The following ARL15 variants were observed in gnomAD, a reference collection of about 807,000 sequenced individuals.
The protein encoded by ARL15 is ARF like GTPase 15, also known as ADP-ribosylation factor-like protein 15.
In ARL15, 19 loss-of-function variants were observed where a neutral mutation model predicts 25.2. That is an observed-to-expected ratio of 0.75 (90% CI 0.53 to 1.10). The LOEUF (loss-of-function observed/expected upper bound fraction) is 1.10. Ranked by LOEUF, ARL15 falls within the 50% of genes least tolerant of loss-of-function variation. The pLI, the probability that ARL15 is intolerant of heterozygous loss-of-function variation, is 0.00. For missense variants in ARL15, 220 were observed against 246.0 expected (o/e 0.89, Z 0.71); for synonymous variants, 94 against 86.8 (o/e 1.08, Z -0.46).
At chr5:53,978,651 G>C (rs376395403) in intron 4 of ARL15, among the ~76,000 whole-genome samples, 1 of 126,494 alleles carries the variant, frequency 7.9e-6, no homozygotes, top group Non-Finnish European at 1.8e-5. Flanking sequence ...AGAAAAGAAA[G>C]AAATAAAAGA....
At chr5:54,054,395 A>C (rs1225134988) in intron 4 of ARL15, among the ~76,000 whole-genome samples, 1 of 151,998 alleles carries the variant, frequency 6.6e-6, no homozygotes, top group African/African-American at 2.4e-5. Flanking sequence ...GAAACAAAGC[A>C]AATGTCCCAA....
chr5:54,246,371 C>T (rs1484766692), intron 1 of ARL15, among the ~76,000 whole-genome samples: 1 of 152,158 alleles, frequency 6.6e-6, no homozygotes, highest in Non-Finnish European at 1.5e-5. Context: ...AGCTCTTGCT[C>T]TGTAGCCCCG....
intron 3 of ARL15, among the ~76,000 whole-genome samples, chr5:54,149,687 A>C (rs138642059): frequency 6.6e-6 from 1 of 152,226 alleles, no homozygotes; most frequent in South Asian, 2.1e-4. Context: ...AGAATCATAC[A>C]GAATTTCTGA....
At chr5:54,164,419 C>A (rs1449866902) in intron 2 of ARL15, among the ~76,000 whole-genome samples, 1 of 152,020 alleles carries the variant, frequency 6.6e-6, no homozygotes, top group Non-Finnish European at 1.5e-5. Flanking sequence ...TACGTACTGG[C>A]TGATTTTCTT....
At chr5:54,138,551 A>G (rs1335449704) in intron 3 of ARL15, among the ~76,000 whole-genome samples, 1 of 152,168 alleles carries the variant, frequency 6.6e-6, no homozygotes, top group Non-Finnish European at 1.5e-5. Flanking sequence ...ATCTAAGACC[A>G]GAATCTGTAA....
At chr5:54,169,938 C>A (rs1263761780) in intron 2 of ARL15, among the ~76,000 whole-genome samples, 4 of 152,156 alleles carry the variant, frequency 2.6e-5, no homozygotes, top group Admixed American at 2.6e-4. Flanking sequence ...CAAGCAATGT[C>A]TCTAACCCTT....
intron 4 of ARL15, among the ~76,000 whole-genome samples, chr5:53,932,540 G>T (rs1277061866): frequency 6.6e-6 from 1 of 152,192 alleles, no homozygotes; most frequent in Non-Finnish European, 1.5e-5. Context: ...CACCATCTGG[G>T]TTGAGGAATG....
intron 1 of ARL15, among the ~76,000 whole-genome samples, chr5:54,216,973 T>C (rs1199879937): frequency 1.3e-5 from 2 of 152,246 alleles, no homozygotes; most frequent in Middle Eastern, 3.4e-3. Flanking sequence ...ATTTTAGTTT[T>C]TTAAATAGTT....
chr5:54,126,896 A>T (rs1396466655), intron 3 of ARL15, among the ~76,000 whole-genome samples: 3 of 151,788 alleles, frequency 2.0e-5, no homozygotes, highest in African/African-American at 7.3e-5. Context: ...CATGTGCACA[A>T]TGTGCAGGTT....
chr5:54,275,753 C>T (rs545467361), intron 1 of ARL15, among the ~76,000 whole-genome samples: 4 of 151,444 alleles, frequency 2.6e-5, no homozygotes, highest in African/African-American at 4.9e-5. Flanking sequence ...GGTGCAATCT[C>T]GGCTTACTGC....
intron 4 of ARL15, among the ~76,000 whole-genome samples, chr5:54,022,793 T>C (rs539260437): frequency 2.6e-5 from 4 of 152,308 alleles, no homozygotes; most frequent in African/African-American, 9.6e-5. Flanking sequence ...AATCTGTATA[T>C]TGTCAACTTT....
At chr5:53,912,931 T>C (rs944589209) in intron 4 of ARL15, among the ~76,000 whole-genome samples, 7 of 152,210 alleles carry the variant, frequency 4.6e-5, no homozygotes, top group South Asian at 2.1e-4. Context: ...TAAAATAGTA[T>C]GTAGCATGTT....
At chr5:53,951,162 T>G (rs954402242) in intron 4 of ARL15, among the ~76,000 whole-genome samples, 1 of 152,250 alleles carries the variant, frequency 6.6e-6, no homozygotes, top group Non-Finnish European at 1.5e-5. Context: ...TGTTTATATA[T>G]TGTCTATTGC....
At chr5:54,161,652 TTA>T (rs1754404030) in intron 2 of ARL15, among the ~76,000 whole-genome samples, 1 of 152,220 alleles carries the variant, frequency 6.6e-6, no homozygotes, top group African/African-American at 2.4e-5. Context: ...ATTCTAGATG[TTA>T]TTTGTAAGTG....
chr5:54,001,132 C>G (rs886176185), intron 4 of ARL15, among the ~76,000 whole-genome samples: 3 of 152,188 alleles, frequency 2.0e-5, no homozygotes, highest in Admixed American at 6.5e-5. Context: ...CTATGCCCTG[C>G]AAATTATGTA....
intron 4 of ARL15, among the ~76,000 whole-genome samples, chr5:54,008,677 ACT>A (rs1216231288): frequency 6.6e-6 from 1 of 152,144 alleles, no homozygotes; most frequent in Non-Finnish European, 1.5e-5. Flanking sequence ...TTTGACTGCT[ACT>A]CTGTCATGTG....
intron 3 of ARL15, among the ~76,000 whole-genome samples, chr5:54,136,809 G>A (rs1753618120): frequency 1.3e-5 from 2 of 151,316 alleles, no homozygotes; most frequent in Non-Finnish European, 1.5e-5. Flanking sequence ...CAAATCCATA[G>A]TACTGCCAGG....
At chr5:54,219,415 G>A (rs1336494679) in intron 1 of ARL15, among the ~76,000 whole-genome samples, 1 of 152,160 alleles carries the variant, frequency 6.6e-6, no homozygotes, top group East Asian at 1.9e-4. Flanking sequence ...CCTTTCTTTG[G>A]TAGGGACAGT....
intron 4 of ARL15, among the ~76,000 whole-genome samples, chr5:54,067,379 A>T (rs975809826): frequency 6.6e-6 from 1 of 152,238 alleles, no homozygotes; most frequent in Non-Finnish European, 1.5e-5. Flanking sequence ...TATTTGTACT[A>T]ACAGATTACC....
Sources: allele counts gnomAD v4.1 joint callset (sites outside exome capture counted in the v4.1 genomes callset), GRCh38; gene constraint gnomAD v4.1.1; transcripts MANE v1.5; gene names NCBI Gene and HGNC (gene_info 2026-07-23, HGNC 2026-07-21).